HNMT: variants seen among roughly 807,000 people sequenced by gnomAD.
HNMT encodes the protein histamine N-methyltransferase.
HNMT carries 30 observed loss-of-function variants against 32.1 expected under a neutral mutation model. The ratio of observed to expected loss-of-function variants is 0.93; its 90% CI spans 0.70 to 1.27. The LOEUF (loss-of-function observed/expected upper bound fraction) is 1.27, where lower values mean the gene tolerates loss of function less well. Ranked by LOEUF, HNMT falls within the 50% of genes most tolerant of loss-of-function variation. The probability of loss-of-function intolerance (pLI) is 0.00; values close to 1 mark genes in which losing one functional copy is unlikely to be tolerated. For synonymous variants in HNMT, 125 were observed against 119.0 expected (o/e 1.05, Z -0.33); for missense variants, 327 against 346.0 (o/e 0.95, Z 0.43).
chr2:137,981,592 T>A (rs1573652781), intron 2 of HNMT: 2 of 549,536 alleles, frequency 3.6e-6, no homozygotes, highest in East Asian at 5.6e-5. Context: ...TGACATTTAG[T>A]GGGTGCTCAA....
intron 2 of HNMT, among the ~76,000 whole-genome samples, chr2:137,982,871 G>A (rs1177115875): frequency 6.6e-6 from 1 of 152,168 alleles, no homozygotes; most frequent in Non-Finnish European, 1.5e-5. Context: ...CAGACACTTT[G>A]CTAGCCACTT....
chr2:138,014,373 G>A lies in HNMT; in HGVS notation c.*243G>A, dbSNP rs1012380452. 3 of 368,628 alleles carry A rather than the reference G, an allele frequency of 8.1e-6. No individual in the cohort carries two copies. Among genetic ancestry groups the A allele is most frequent in the Non-Finnish European group, 1.5e-5 (3 of 205,348 alleles). The allele number at this position is 368,628 out of a possible 1,614,324, so 22.8% of individuals were successfully genotyped here. A position where few individuals can be genotyped will look rare whatever the true frequency, so the allele number is the denominator to read the frequency against. ...AGCAGGCTCAACATAACATAAGCTA[G>A]AAAAATTAGATGACTGAATTTCTAT... On this transcript the variant is annotated 3_prime_UTR_variant, in exon 6 of 6. Transcript: ENST00000280097.
At chr2:137,995,853 G>T (rs1200347956) in intron 2 of HNMT, among the ~76,000 whole-genome samples, 1 of 151,894 alleles carries the variant, frequency 6.6e-6, no homozygotes, top group Non-Finnish European at 1.5e-5. Context: ...GGGATGCAAG[G>T]CTGGTTCAAC....
At chr2:138,008,220 T>C (rs747132790) in intron 5 of HNMT, among the ~76,000 whole-genome samples, 4 of 152,060 alleles carry the variant, frequency 2.6e-5, no homozygotes, top group Non-Finnish European at 5.9e-5. Context: ...AGCTCCCACT[T>C]ATAATTGAGA....
chr2:137,987,599 C>T (rs1215341942), intron 2 of HNMT, among the ~76,000 whole-genome samples: 1 of 118,554 alleles, frequency 8.4e-6, no homozygotes, highest in Non-Finnish European at 1.7e-5. Flanking sequence ...GGACAATGGC[C>T]ACTTTTTTTT....
intron 2 of HNMT, among the ~76,000 whole-genome samples, chr2:137,979,808 TCTACTTTTTAC>T (rs1056502284): frequency 6.6e-6 from 1 of 152,142 alleles, no homozygotes; most frequent in African/African-American, 2.4e-5. Flanking sequence ...ATGTTTCTTT[TCTACTTTTTAC>T]CTTTCTCTAT....
intron 2 of HNMT, chr2:137,991,884 T>G (rs1680828653): frequency 6.6e-6 from 1 of 151,774 alleles, no homozygotes; most frequent in African/African-American, 2.4e-5. Context: ...AACATAAGCT[T>G]GTGAATACTT....
chr2:137,976,217 G>A (rs892983813), intron 2 of HNMT, among the ~76,000 whole-genome samples: 1 of 144,678 alleles, frequency 6.9e-6, no homozygotes, highest in Non-Finnish European at 1.5e-5. Flanking sequence ...AGTGAGCCGA[G>A]ATCGGGCCAT....
chr2:137,964,642 C>G lies in HNMT; in HGVS notation c.137+14C>G, dbSNP rs999351425. The G allele has an allele frequency of 6.2e-7, 1 of 1,612,994 alleles. No homozygotes were observed. The highest frequency in any genetic ancestry group is 8.5e-7 in the Non-Finnish European group (1 of 1,179,296). Reference sequence around the variant, plus strand: ...CATAATAGGAAGGTAACAAAAGGGACGTTGTTGTCAAAGGGACAAGCCTCA... The same window carrying G: ...CATAATAGGAAGGTAACAAAAGGGAGGTTGTTGTCAAAGGGACAAGCCTCA... On this transcript the variant is annotated intron_variant, in intron 1 of 5. Coordinates refer to ENST00000280097, the MANE Select transcript of HNMT (RefSeq NM_006895.3).
In HNMT at chr2:137,976,404, A is replaced by G. The variant is rs79308190; in HGVS notation, c.190+6187A>G. On this transcript the variant is annotated intron_variant, in intron 2 of 5. Transcript: ENST00000280097. Reference sequence around the variant, plus strand: ...TACAGATATGTTATGGAAGGGACTTAGGCACTGATTTTCTTGTGTGTTTGG... The same window carrying G: ...TACAGATATGTTATGGAAGGGACTTGGGCACTGATTTTCTTGTGTGTTTGG... Among the ~76,000 whole-genome samples, 959 of 152,244 alleles carry G rather than the reference A, an allele frequency of 6.3e-3. 11 individuals are homozygous for G. Among genetic ancestry groups the G allele is most frequent in the African/African-American group, 0.021 (888 of 41,564 alleles).
At chr2:137,974,740 A>T (rs1680237290) in intron 2 of HNMT, among the ~76,000 whole-genome samples, 1 of 152,234 alleles carries the variant, frequency 6.6e-6, no homozygotes, top group Non-Finnish European at 1.5e-5. Context: ...CCTATTGTAT[A>T]TTAACTCAAC....
chr2:137,974,209 T>C (rs1680218945), intron 2 of HNMT, among the ~76,000 whole-genome samples: 1 of 152,188 alleles, frequency 6.6e-6, no homozygotes, highest in Non-Finnish European at 1.5e-5. Context: ...TGCATGTATG[T>C]TCATGTATAT....
chr2:137,966,298 C>T (rs559614572), intron 1 of HNMT, among the ~76,000 whole-genome samples: 1 of 152,138 alleles, frequency 6.6e-6, no homozygotes, highest in Non-Finnish European at 1.5e-5. Flanking sequence ...CCACCCACTC[C>T]ATTCTTGATT....
chr2:137,975,569 C>T (rs143639437), intron 2 of HNMT, among the ~76,000 whole-genome samples: 115 of 152,266 alleles, frequency 7.6e-4, no homozygotes, highest in Non-Finnish European at 1.4e-3. Flanking sequence ...CAATGACTAG[C>T]TATTTGAAAA....
At chr2:137,987,601 C>CTTTTTTTT (rs5834598) in intron 2 of HNMT, among the ~76,000 whole-genome samples, 3 of 70,238 alleles carry the variant, frequency 4.3e-5, no homozygotes, top group African/African-American at 1.1e-4. Context: ...ACAATGGCCA[C>CTTTTTTTT]TTTTTTTTTT....
chr2:138,011,264 T>G (rs565134293), intron 5 of HNMT, among the ~76,000 whole-genome samples: 1 of 152,262 alleles, frequency 6.6e-6, no homozygotes, highest in South Asian at 2.1e-4. Context: ...AATGCTGATT[T>G]TCTTGTAATG....
intron 1 of HNMT, among the ~76,000 whole-genome samples, chr2:137,966,585 C>A (rs1366947154): frequency 1.3e-5 from 2 of 152,124 alleles, no homozygotes; most frequent in Non-Finnish European, 2.9e-5. Context: ...CTTTTACGTA[C>A]AACTTTTTGT....
intron 2 of HNMT, among the ~76,000 whole-genome samples, chr2:137,998,840 C>T (rs1358545294): frequency 6.6e-6 from 1 of 152,120 alleles, no homozygotes; most frequent in Non-Finnish European, 1.5e-5. Context: ...TTGAGATCCT[C>T]ATAATTGATA....
intron 2 of HNMT, among the ~76,000 whole-genome samples, chr2:137,977,549 C>A (rs113062640): frequency 1.3e-4 from 20 of 151,320 alleles, no homozygotes; most frequent in Admixed American, 3.3e-4. Flanking sequence ...CTGAGAGAAA[C>A]GACGAAAAAA....
Sources: allele counts gnomAD v4.1 joint callset (sites outside exome capture counted in the v4.1 genomes callset), GRCh38; gene constraint gnomAD v4.1.1; transcripts MANE v1.5; gene names NCBI Gene and HGNC (gene_info 2026-07-23, HGNC 2026-07-21).